The following KIF21A variants were observed in gnomAD, a reference collection of about 807,000 sequenced individuals.
KIF21A encodes kinesin family member 21A.
Under a neutral mutation model 202.9 loss-of-function variants are expected in KIF21A, and 114 were observed. That is an observed-to-expected ratio of 0.56 (90% confidence interval 0.48 to 0.66). KIF21A has a LOEUF of 0.66. KIF21A is among the 30% of genes least tolerant of loss of function. The pLI, the probability that KIF21A is intolerant of heterozygous loss-of-function variation, is 0.00. For missense variants in KIF21A, 1,677 were observed against 1,994.9 expected (o/e 0.84, Z 3.04); for synonymous variants, 667 against 670.8 (o/e 0.99, Z 0.09).
rs772924507 is a variant in KIF21A, at chr12:39,325,901, CAAAT to C, written c.3402-12_3402-9del. The stretch of plus-strand genomic sequence containing the variant: ...AGATCTGAAGACAGCGTGCTATGTG[CAAAT>C]AAATAATTAAGCACAAGATTAAATA... On this transcript the variant is annotated splice_polypyrimidine_tract_variant and intron_variant, in intron 25 of 37. Coordinates refer to ENST00000361418, the MANE Select transcript of KIF21A (RefSeq NM_001173464.2). The C allele has an allele frequency of 3.7e-6, 6 of 1,606,094 alleles. No homozygotes were observed. The highest frequency in any genetic ancestry group is 5.1e-6 in the Non-Finnish European group (6 of 1,173,910).
intron 1 of KIF21A, among the ~76,000 whole-genome samples, chr12:39,426,109 T>G (rs1392195998): frequency 1.3e-5 from 2 of 152,098 alleles, no homozygotes; most frequent in Non-Finnish European, 2.9e-5. Flanking sequence ...CACAAGACAC[T>G]GAGATTGATG....
intron 1 of KIF21A, among the ~76,000 whole-genome samples, chr12:39,440,349 C>T (rs1939390400): frequency 6.6e-6 from 1 of 152,202 alleles, no homozygotes; most frequent in African/African-American, 2.4e-5. Flanking sequence ...GGTTGGAACC[C>T]TGGCTCTCTC....
chr12:39,376,236 C>A (rs775364339), intron 1 of KIF21A, among the ~76,000 whole-genome samples: 23 of 152,196 alleles, frequency 1.5e-4, no homozygotes, highest in Admixed American at 5.9e-4. Flanking sequence ...CATTGTTATG[C>A]AAAGATAATA....
chr12:39,399,543 CTGA>C (rs1344675343), intron 1 of KIF21A, among the ~76,000 whole-genome samples: 1 of 152,208 alleles, frequency 6.6e-6, no homozygotes, highest in Non-Finnish European at 1.5e-5. Context: ...AATGAGGTAT[CTGA>C]TGCATTTAAC....
chr12:39,301,673 G>A lies in KIF21A; in HGVS notation c.4738C>T (p.Pro1580Ser), dbSNP rs780029810. The A allele has an allele frequency of 6.2e-7, 1 of 1,613,954 alleles. No homozygotes were observed. The highest frequency in any genetic ancestry group is 1.1e-5 in the South Asian group (1 of 91,076). The change falls in exon 37 of 38, where the codon CCA (proline) becomes TCA (serine). Residue 1580 changes from proline (P) to serine (S), a missense_variant. Pro to Ser is a moderately conservative substitution (Grantham distance 74). This residue lies in a region of KIF21A where 705 missense variants were observed against 791.9 expected (regional missense o/e 0.89). Transcript: ENST00000361418. The part of the protein sequence containing the change: ...LTQKDLLQQV[P>S]NAHKDWVCAL... ...CAGACCCAATCCTTATGTGCATTTG[G>A]AACTTGCTAAAAGAAAAAAAGTGAA...
chr12:39,300,055 A>G (rs1257861579), intron 37 of KIF21A, among the ~76,000 whole-genome samples: 1 of 152,142 alleles, frequency 6.6e-6, no homozygotes, highest in Admixed American at 6.5e-5. Flanking sequence ...CACTGGTGAC[A>G]CAAGTTTACC....
chr12:39,333,888 A>T (rs970387556), intron 17 of KIF21A, among the ~76,000 whole-genome samples: 8 of 146,740 alleles, frequency 5.5e-5, no homozygotes, highest in East Asian at 1.9e-4. Context: ...CATATAATTT[A>T]AAAAAAAAAA....
intron 3 of KIF21A, among the ~76,000 whole-genome samples, chr12:39,368,395 T>C (rs578223589): frequency 1.3e-5 from 2 of 152,308 alleles, no homozygotes; most frequent in African/African-American, 4.8e-5. Context: ...AAAGAATTTT[T>C]ACTACTTGAG....
chr12:39,431,117 A>AT (rs1446593314), intron 1 of KIF21A, among the ~76,000 whole-genome samples: 3 of 152,216 alleles, frequency 2.0e-5, no homozygotes, highest in African/African-American at 7.2e-5. Flanking sequence ...TCCAGGTTGA[A>AT]TGGGGTAAAG....
chr12:39,320,548 C>T (rs1178758391), intron 27 of KIF21A, among the ~76,000 whole-genome samples: 2 of 151,388 alleles, frequency 1.3e-5, no homozygotes, highest in Non-Finnish European at 2.9e-5. Context: ...GTATTCTGGC[C>T]TTAAATATTT....
rs78152306 is a variant in KIF21A at position 39,311,372 on chromosome 12, T to TAAAAA, written c.4096+40_4096+44dup. 16 of 1,520,572 alleles carry TAAAAA rather than the reference T, an allele frequency of 1.1e-5. No homozygotes were observed. In the African/African-American group the frequency reaches 2.3e-4, roughly 21 times the overall value. 94.2% of individuals were successfully genotyped at this position (1,520,572 alleles called of 1,614,324 possible). On this transcript the variant is annotated intron_variant, in intron 32 of 37. Transcript: ENST00000361418. ...AATATGTTAAAAATGTAATTTTTTT[T>TAAAAA]AAAAAAAAAGCTATTAAATATCTGC...
chr12:39,372,028 A>AT (rs1283328977), intron 1 of KIF21A, among the ~76,000 whole-genome samples: 1 of 148,628 alleles, frequency 6.7e-6, no homozygotes, highest in Non-Finnish European at 1.5e-5. Context: ...ATTTTGTGAA[A>AT]TTTAAAAAAA....
chr12:39,319,273 G>A (rs1398724568), intron 28 of KIF21A, among the ~76,000 whole-genome samples: 1 of 152,200 alleles, frequency 6.6e-6, no homozygotes, highest in East Asian at 1.9e-4. Context: ...AGGGGTGGCA[G>A]GGTAACAGTG....
At chr12:39,329,451 CAAG>C (rs1407093603) in intron 24 of KIF21A, among the ~76,000 whole-genome samples, 2 of 149,364 alleles carry the variant, frequency 1.3e-5, no homozygotes, top group East Asian at 3.9e-4. Context: ...AGGAGGAGAA[CAAG>C]AAGGAGGAGA....
At chr12:39,340,058 G>T in intron 16 of KIF21A, 107 bp downstream of exon 16, 1 of 841,488 alleles carries the variant, frequency 1.2e-6, no homozygotes, top group Non-Finnish European at 1.9e-6. Flanking sequence ...GTAAGATTGG[G>T]TTACCTTTAT....
chr12:39,340,806 G>T, intron 15 of KIF21A, 100 bp downstream of exon 15: 1 of 840,080 alleles, frequency 1.2e-6, no homozygotes, highest in Non-Finnish European at 1.9e-6. Flanking sequence ...ACAAAAAAGG[G>T]TTTAATACGG....
intron 36 of KIF21A, among the ~76,000 whole-genome samples, chr12:39,302,612 T>TGACTA (rs368481204): frequency 1.1e-3 from 165 of 152,260 alleles, no homozygotes; most frequent in African/African-American, 3.7e-3. Flanking sequence ...TAGCTAAACT[T>TGACTA]GGAACTCTTT....
intron 11 of KIF21A, among the ~76,000 whole-genome samples, chr12:39,348,030 A>G (rs1030013828): frequency 6.6e-6 from 1 of 152,070 alleles, no homozygotes; most frequent in Non-Finnish European, 1.5e-5. Flanking sequence ...TCTATTTTCA[A>G]TATAGAGACT....
intron 1 of KIF21A, among the ~76,000 whole-genome samples, chr12:39,395,775 G>A (rs990443743): frequency 1.3e-4 from 19 of 150,922 alleles, no homozygotes; most frequent in African/African-American, 4.4e-4. Flanking sequence ...CCGGGAGGTG[G>A]AGGTTGCAGT....
Sources: gnomAD v4.1 joint callset for allele counts (sites outside exome capture counted in the v4.1 genomes callset) on GRCh38, gnomAD v4.1.1 for gene constraint, gnomAD v4.1.1 regional missense constraint, MANE v1.5 for transcripts, NCBI Gene and HGNC (gene_info 2026-07-23, HGNC 2026-07-21) for gene names.